GALNT2: variants seen among roughly 807,000 people sequenced by gnomAD.
GALNT2 encodes polypeptide N-acetylgalactosaminyltransferase 2.
A neutral mutation model predicts 81.4 loss-of-function variants in GALNT2; 31 were observed. The observed-to-expected ratio is 0.38, with a 90% CI of 0.29 to 0.51. GALNT2 has a LOEUF of 0.51. Ranked by LOEUF, GALNT2 falls within the 20% of genes least tolerant of loss-of-function variation. The probability of loss-of-function intolerance (pLI) is 0.87; values close to 1 mark genes in which losing one functional copy is unlikely to be tolerated. For missense variants in GALNT2, 629 were observed against 765.7 expected (o/e 0.82, Z 2.11); for synonymous variants, 303 against 287.4 (o/e 1.05, Z -0.55).
chr1:230,078,966 G>T (rs187194181), intron 1 of GALNT2, among the ~76,000 whole-genome samples: 1 of 152,264 alleles, frequency 6.6e-6, no homozygotes, highest in East Asian at 1.9e-4. Flanking sequence ...GAGCCACTGC[G>T]TCCAGCCAGA....
intron 14 of GALNT2, among the ~76,000 whole-genome samples, chr1:230,267,291 C>G (rs978924561): frequency 3.3e-5 from 5 of 152,234 alleles, no homozygotes; most frequent in Admixed American, 2.6e-4. Flanking sequence ...GCAAACAAAG[C>G]AATCCCTTGC....
chr1:230,215,635 A>G (rs1369804345), intron 3 of GALNT2, among the ~76,000 whole-genome samples: 1 of 152,236 alleles, frequency 6.6e-6, no homozygotes, highest in Non-Finnish European at 1.5e-5. Flanking sequence ...GAAGGAGAGT[A>G]AATGGAAATA....
chr1:230,099,014 G>A (rs56041113), intron 1 of GALNT2, among the ~76,000 whole-genome samples: 10,620 of 152,206 alleles, frequency 0.07, 520 homozygotes, highest in South Asian at 0.14. Flanking sequence ...CCGATCGCGC[G>A]GAATCACGAC....
At chr1:230,224,069 A>AT (rs1301335691) in intron 3 of GALNT2, among the ~76,000 whole-genome samples, 1 of 152,234 alleles carries the variant, frequency 6.6e-6, no homozygotes, top group Non-Finnish European at 1.5e-5. Context: ...ACATCTCTTC[A>AT]TGGAACAATG....
rs139431444 is a variant in GALNT2, at chr1:230,215,999, A to G, written c.374+12709A>G. Among the ~76,000 whole-genome samples, 8 of 152,344 alleles carry G rather than the reference A, an allele frequency of 5.3e-5. No homozygotes were observed. The East Asian group carries it at 1.3e-3, about 26-fold the overall frequency. ...AATGCCTCTGTCACACTGAGATGGT[A>G]TTGGATTGTTTTATCATAGAACCAA... On this transcript the variant is annotated intron_variant, in intron 3 of 15. Coordinates refer to ENST00000366672, the MANE Select transcript of GALNT2 (RefSeq NM_004481.5).
chr1:230,105,672 G>A (rs1660523178), intron 1 of GALNT2, among the ~76,000 whole-genome samples: 1 of 152,266 alleles, frequency 6.6e-6, no homozygotes, highest in East Asian at 1.9e-4. Flanking sequence ...CGAAAGTGAG[G>A]GCGTCTGTCG....
At chr1:230,071,791 A>C (rs1266542443) in intron 1 of GALNT2, among the ~76,000 whole-genome samples, 1 of 152,204 alleles carries the variant, frequency 6.6e-6, no homozygotes, top group East Asian at 1.9e-4. Flanking sequence ...CGACAGTGGC[A>C]CTGTAACATA....
At chr1:230,254,761 G>T (rs1665655280) in intron 10 of GALNT2, among the ~76,000 whole-genome samples, 1 of 152,202 alleles carries the variant, frequency 6.6e-6, no homozygotes, top group South Asian at 2.1e-4. Flanking sequence ...TATACCTTCA[G>T]TGTTGCCTTT....
rs992565179 is a variant in GALNT2 at position 230,280,904 on chromosome 1, T to A, written c.*1446T>A. 5 of 152,244 alleles carry A rather than the reference T, an allele frequency of 3.3e-5. No homozygotes were observed. Among genetic ancestry groups the A allele is most frequent in the Admixed American group, 3.3e-4 (5 of 15,282 alleles). The allele number at this position is 152,244 out of a possible 1,614,324, so 9.4% of individuals were successfully genotyped here. A position where few individuals can be genotyped will look rare whatever the true frequency, so the allele number is the denominator to read the frequency against. On this transcript the variant is annotated 3_prime_UTR_variant, in exon 16 of 16. Transcript: ENST00000366672. ...ATAACGGGGAGAGGTGCCTGGCTTC[T>A]ACCTGGGTGCTCAGGAATGTTCCTC...
intron 1 of GALNT2, among the ~76,000 whole-genome samples, chr1:230,147,044 G>A (rs1476617817): frequency 6.6e-6 from 1 of 152,190 alleles, no homozygotes; most frequent in Non-Finnish European, 1.5e-5. Flanking sequence ...AGCTGTGGCA[G>A]GGTGAATTGG....
intron 3 of GALNT2, among the ~76,000 whole-genome samples, chr1:230,209,289 G>T (rs1234807673): frequency 6.6e-6 from 1 of 152,158 alleles, no homozygotes; most frequent in East Asian, 1.9e-4. Flanking sequence ...AAACCCCAGA[G>T]TGACTGTATT....
At chr1:230,126,680 A>G (rs1049925218) in intron 1 of GALNT2, among the ~76,000 whole-genome samples, 35 of 152,184 alleles carry the variant, frequency 2.3e-4, no homozygotes, top group Admixed American at 2.3e-3. Flanking sequence ...TATCGCATCT[A>G]TGGGAAATGT....
At chr1:230,154,983 G>A (rs373218866) in intron 1 of GALNT2, among the ~76,000 whole-genome samples, 8 of 152,178 alleles carry the variant, frequency 5.3e-5, no homozygotes, top group Admixed American at 1.3e-4. Flanking sequence ...TTACGTACTA[G>A]CACTTAAAAA....
At position 230,243,288 on chromosome 1, in the gene GALNT2, TCCAACTCG is replaced by T; in HGVS notation, c.608-15_608-8del. 6.3e-7 allele frequency: 1 copy of T among 1,586,606 alleles called. No individual in the cohort carries two copies. Among genetic ancestry groups the T allele is most frequent in the Non-Finnish European group, 8.6e-7 (1 of 1,168,684 alleles). On this transcript the variant is annotated splice_polypyrimidine_tract_variant and intron_variant, in intron 6 of 15. Coordinates refer to ENST00000366672, the MANE Select transcript of GALNT2 (RefSeq NM_004481.5). The surrounding 1 kb of genome is among the most constrained non-coding windows in gnomAD (Gnocchi z 4.2). ...GTGGCTTCTCTCTCCTGACGTGCTT[TCCAACTCG>T]CCTCTGCAGGCCTCATGCGCTCACG...
At chr1:230,174,261 T>C (rs1363851959) in intron 1 of GALNT2, among the ~76,000 whole-genome samples, 1 of 152,162 alleles carries the variant, frequency 6.6e-6, no homozygotes, top group Non-Finnish European at 1.5e-5. Flanking sequence ...CCACGTGTCA[T>C]GCGGGGTCTC....
rs1666401083 is a variant in GALNT2, at chr1:230,280,260, A to C, written c.*802A>C. The C allele has an allele frequency of 3.1e-6, 1 of 323,412 alleles. No homozygotes were observed. 20.0% of individuals were successfully genotyped at this position (323,412 alleles called of 1,614,324 possible). On this transcript the variant is annotated 3_prime_UTR_variant, in exon 16 of 16. Coordinates refer to ENST00000366672, the MANE Select transcript of GALNT2 (RefSeq NM_004481.5). ...GCCAGTTGGTGCTACTGCTGTGGCCAGCTGGGGGGCTTCCTCCAGACCACC... is the reference window on the plus strand; with the variant it reads ...GCCAGTTGGTGCTACTGCTGTGGCCCGCTGGGGGGCTTCCTCCAGACCACC...
chr1:230,250,587 CAG>C (rs1665514621), intron 10 of GALNT2, 27 bp downstream of exon 10: 9 of 1,550,958 alleles, frequency 5.8e-6, no homozygotes, highest in Non-Finnish European at 7.9e-6. Context: ...AATCTCAGGA[CAG>C]AGAAGTGCCT....
chr1:230,217,685 T>C (rs1664432101), intron 3 of GALNT2, among the ~76,000 whole-genome samples: 1 of 152,232 alleles, frequency 6.6e-6, no homozygotes, highest in Admixed American at 6.5e-5. Context: ...CTGGTGAGAA[T>C]CTGGTTTCTG....
intron 1 of GALNT2, among the ~76,000 whole-genome samples, chr1:230,160,823 C>T (rs1662409126): frequency 1.3e-5 from 2 of 152,064 alleles, no homozygotes; most frequent in South Asian, 4.1e-4. Flanking sequence ...CTCTCTTAGA[C>T]CCTTTTTCTG....
Sources: allele counts gnomAD v4.1 joint callset (sites outside exome capture counted in the v4.1 genomes callset), GRCh38; gene constraint gnomAD v4.1.1; non-coding constraint Gnocchi (gnomAD v3.1); transcripts MANE v1.5; gene names NCBI Gene and HGNC (gene_info 2026-07-23, HGNC 2026-07-21).